CDC26: variants seen among roughly 807,000 people sequenced by gnomAD.
CDC26 encodes the protein anaphase-promoting complex subunit CDC26.
A neutral mutation model predicts 8.0 loss-of-function variants in CDC26; 2 were observed. The ratio of observed to expected loss-of-function variants is 0.25; its 90% CI spans 0.10 to 0.79. The LOEUF is 0.79. Ranked by LOEUF, CDC26 falls within the 30% of genes least tolerant of loss-of-function variation. The probability of loss-of-function intolerance (pLI) is 0.70; values close to 1 mark genes in which losing one functional copy is unlikely to be tolerated. For synonymous variants in CDC26, 19 were observed against 34.9 expected, an observed-to-expected ratio of 0.55 and a Z score of 1.60; for missense variants, 68 against 106.0, an observed-to-expected ratio of 0.64 and a Z score of 1.57.
chr9:113,272,412 A>C lies in CDC26; in HGVS notation c.81+15T>G, dbSNP rs1264752014. ...CGAGACTCCATCTCAAAAAAACACA[A>C]AGTTGTATTCATACCTCCAGGTCCT... On this transcript the variant is annotated intron_variant, in intron 3 of 3. Transcript: ENST00000374206. 6.3e-7 allele frequency: 1 copy of C among 1,599,054 alleles called. No homozygotes were observed. Among genetic ancestry groups the C allele is most frequent in the African/African-American group, 1.3e-5 (1 of 74,570 alleles).
At chr9:113,267,585 C>T in intron 3 of CDC26, 146 bp from the exon 4 acceptor site, 1 of 1,055,464 alleles carries the variant, frequency 9.5e-7, no homozygotes, top group South Asian at 1.7e-5. Flanking sequence ...GTTTGGAGTA[C>T]TTAGGGGCAC....
intron 3 of CDC26, among the ~76,000 whole-genome samples, chr9:113,271,800 C>A (rs1831961167): frequency 6.6e-6 from 1 of 152,160 alleles, no homozygotes; most frequent in Admixed American, 6.6e-5. Context: ...TAAGAGTCTG[C>A]AGTTCAGAAG....
chr9:113,272,299 G>A (rs2118553816), intron 3 of CDC26, 128 bp downstream of exon 3: 2 of 700,108 alleles, frequency 2.9e-6, no homozygotes, highest in East Asian at 2.6e-5. Flanking sequence ...TGAACCTGTG[G>A]TCCCAGCACG....
At chr9:113,273,821 CAAAAAA>C (rs149642304) in intron 1 of CDC26, among the ~76,000 whole-genome samples, 3 of 53,284 alleles carry the variant, frequency 5.6e-5, no homozygotes, top group Non-Finnish European at 7.1e-5. Context: ...GACCCCAACT[CAAAAAA>C]AAAAAAAAAA....
chr9:113,269,921 C>T (rs1342287650), intron 3 of CDC26, among the ~76,000 whole-genome samples: 1 of 152,178 alleles, frequency 6.6e-6, no homozygotes, highest in East Asian at 1.9e-4. Flanking sequence ...CCTACTAGGA[C>T]AGCAAATGAA....
At chr9:113,275,173 G>C (rs766058608) in intron 1 of CDC26, among the ~76,000 whole-genome samples, 2 of 152,130 alleles carry the variant, frequency 1.3e-5, no homozygotes, top group Non-Finnish European at 2.9e-5. Context: ...GGGAGCCTGG[G>C]AAGACTTCCG....
In CDC26 at chr9:113,271,955, C is replaced by T. The variant is rs147186124; in HGVS notation, c.81+472G>A. On this transcript the variant is annotated intron_variant, in intron 3 of 3. Transcript: ENST00000374206. ...TGGGCTCAAGCAATCCTCCCGCCTC[C>T]GCCTCCTGAGTAGCTCAGGCATGCG... 7.3e-3 allele frequency among the ~76,000 whole-genome samples: 1,109 copies of T among 152,240 alleles called. 7 individuals are homozygous for T. Among genetic ancestry groups the T allele is most frequent in the Admixed American group, 0.012 (182 of 15,296 alleles).
At chr9:113,272,691 C>T (rs1588003244) in intron 2 of CDC26, 143 bp from the exon 3 acceptor site, 18 of 354,856 alleles carry the variant, frequency 5.1e-5, no homozygotes, top group Admixed American at 9.3e-5. Flanking sequence ...CTTCTAAAGT[C>T]TTTTTTTTTT....
intron 3 of CDC26, 105 bp downstream of exon 3, chr9:113,272,322 G>T: frequency 1.2e-6 from 1 of 819,410 alleles, no homozygotes; most frequent in Non-Finnish European, 2.1e-6. Flanking sequence ...GGAGGCTGAG[G>T]CAGAGGAGGC....
rs892031604 is a variant in CDC26, at chr9:113,268,389, C to T, written c.82-950G>A. ...CAGATAAAAGGTTTGGCTCCTAAGT[C>T]ACATGTGACTGCAGAATCCAGAAAG... On this transcript the variant is annotated intron_variant, in intron 3 of 3. Coordinates refer to ENST00000374206, the MANE Select transcript of CDC26 (RefSeq NM_139286.4). Among the ~76,000 whole-genome samples, 33 of 152,170 alleles carry T rather than the reference C, an allele frequency of 2.2e-4. 1 individual carries two copies. The highest frequency in any genetic ancestry group is 2.0e-4 in the Admixed American group (3 of 15,286).
At chr9:113,272,692 T>A (rs2118555536) in intron 2 of CDC26, 144 bp from the exon 3 acceptor site, 13 of 139,488 alleles carry the variant, frequency 9.3e-5, no homozygotes, top group East Asian at 3.9e-4. Flanking sequence ...TTCTAAAGTC[T>A]TTTTTTTTTT....
intron 3 of CDC26, among the ~76,000 whole-genome samples, chr9:113,268,842 C>T (rs1831906768): frequency 6.6e-6 from 1 of 152,160 alleles, no homozygotes; most frequent in Non-Finnish European, 1.5e-5. Context: ...GCAACCTCCG[C>T]CTCCTGGGTT....
intron 1 of CDC26, among the ~76,000 whole-genome samples, chr9:113,274,397 A>C (rs757662642): frequency 1.3e-5 from 2 of 152,234 alleles, no homozygotes; most frequent in African/African-American, 2.4e-5. Flanking sequence ...TTATCAACAC[A>C]AAACACTGGC....
At chr9:113,272,323 C>T in intron 3 of CDC26, 104 bp downstream of exon 3, 2 of 826,984 alleles carry the variant, frequency 2.4e-6, no homozygotes, top group Non-Finnish European at 2.1e-6. Context: ...GAGGCTGAGG[C>T]AGAGGAGGCA....
At chr9:113,272,180 G>C (rs1831968399) in intron 3 of CDC26, among the ~76,000 whole-genome samples, 1 of 152,180 alleles carries the variant, frequency 6.6e-6, no homozygotes, top group African/African-American at 2.4e-5. Flanking sequence ...CACTTTGGGA[G>C]GCTGAGGTGG....
At chr9:113,268,257 C>G (rs909336268) in intron 3 of CDC26, among the ~76,000 whole-genome samples, 1 of 152,118 alleles carries the variant, frequency 6.6e-6, no homozygotes, top group Non-Finnish European at 1.5e-5. Flanking sequence ...AAAGAAATAA[C>G]CACCAAAAAT....
At position 113,272,560 on chromosome 9, in the gene CDC26, GAA is replaced by G; in HGVS notation, c.-41-14_-41-13del. 1.5e-6 allele frequency: 2 copies of G among 1,348,530 alleles called. No individual in the cohort carries two copies. The highest frequency in any genetic ancestry group is 4.6e-5 in the East Asian group (2 of 43,692). The allele number at this position is 1,348,530 out of a possible 1,614,324, so 83.5% of individuals were successfully genotyped here. A position where few individuals can be genotyped will look rare whatever the true frequency, so the allele number is the denominator to read the frequency against. On this transcript the variant is annotated splice_polypyrimidine_tract_variant and intron_variant, in intron 2 of 3. Coordinates refer to ENST00000374206, the MANE Select transcript of CDC26 (RefSeq NM_139286.4). ...CAGTGAACTATTAGCTGTTAAAAATGAAAGAGAGGAGGAAAATCTGAAGGTGA... is the reference window on the plus strand; with the variant it reads ...CAGTGAACTATTAGCTGTTAAAAATGAGAGAGGAGGAAAATCTGAAGGTGA...
chr9:113,267,574 G>A (rs1831882999), intron 3 of CDC26, 135 bp from the exon 4 acceptor site: 6 of 1,162,658 alleles, frequency 5.2e-6, no homozygotes, highest in Non-Finnish European at 7.3e-6. Context: ...TGAAATCCTA[G>A]GTTTGGAGTA....
intron 3 of CDC26, among the ~76,000 whole-genome samples, chr9:113,269,065 T>A (rs1395156931): frequency 6.6e-6 from 1 of 151,946 alleles, no homozygotes; most frequent in Admixed American, 6.6e-5. Context: ...ACAAAAAAAT[T>A]TAAAAATTAG....
Sources: gnomAD v4.1 joint callset for allele counts (sites outside exome capture counted in the v4.1 genomes callset) on GRCh38, gnomAD v4.1.1 for gene constraint, MANE v1.5 for transcripts, NCBI Gene and HGNC (gene_info 2026-07-23, HGNC 2026-07-21) for gene names.